VIPAS39: variants seen among roughly 807,000 people sequenced by gnomAD.
VIPAS39 encodes VPS33B interacting protein, apical-basolateral polarity regulator, spe-39 homolog, also known as spermatogenesis-defective protein 39 homolog.
VIPAS39 carries 63 observed loss-of-function variants against 84.7 expected under a neutral mutation model. The ratio of observed to expected loss-of-function variants is 0.74; its 90% CI spans 0.61 to 0.92. The LOEUF (loss-of-function observed/expected upper bound fraction) is 0.92. Ranked by LOEUF, VIPAS39 falls within the 40% of genes least tolerant of loss-of-function variation. The pLI is 0.00. For missense variants in VIPAS39, 499 were observed against 604.5 expected (o/e 0.83, Z 1.83); for synonymous variants, 192 against 216.5 (o/e 0.89, Z 0.99).
Position 77,435,849 on chromosome 14 carries a change from T to C in VIPAS39, c.907A>G (p.Ile303Val), listed in dbSNP as rs760795319. 34 of 1,614,052 alleles carry C rather than the reference T, an allele frequency of 2.1e-5. No individual in the cohort carries two copies. The Middle Eastern group carries it at 3.8e-3, about 180-fold the overall frequency. Residue 303 changes from isoleucine to valine, a missense_variant, in exon 13 of 20, where the codon ATT (isoleucine) becomes GTT (valine). Transcript: ENST00000557658. ...ATAGAGATGAAGAGTCTAACCTCAA[T>C]AATGATCTGACGTTCCAGGAGCGTG... ...HYTLLERQII[I>V]EANDRHLESA...
At chr14:77,447,959 G>T (rs1035946844) in intron 7 of VIPAS39, among the ~76,000 whole-genome samples, 1 of 147,584 alleles carries the variant, frequency 6.8e-6, no homozygotes, top group Non-Finnish European at 1.5e-5. Context: ...ACCATGCCCG[G>T]CTTCTCTTTT....
rs376046880 is a variant in VIPAS39 at position 77,429,054 on chromosome 14, C to T, written c.1308G>A (p.Thr436=). 9 of 1,614,058 alleles carry T rather than the reference C, an allele frequency of 5.6e-6. No homozygotes were observed. The East Asian group carries it at 6.7e-5, about 12-fold the overall frequency. ...EYVNLVEDVD[T]KLNLATKFKC... Reference sequence around the variant, plus strand: ...TGAACTTAGTGGCTAAGTTCAACTTCGTGTCCACATCTTCCACCAGATTGA... The same window carrying T: ...TGAACTTAGTGGCTAAGTTCAACTTTGTGTCCACATCTTCCACCAGATTGA... Residue 436 remains threonine (T), a synonymous_variant, in exon 18 of 20, where the codon ACG becomes ACA. Transcript: ENST00000557658.
At chr14:77,440,497 C>G (rs1048622016) in intron 11 of VIPAS39, 1 of 159,344 alleles carries the variant, frequency 6.3e-6, no homozygotes, top group Admixed American at 5.9e-5. Context: ...CAACCAGGAC[C>G]TGAAAACAAC....
At chr14:77,449,165 G>A (rs1644480713) in intron 6 of VIPAS39, 128 bp downstream of exon 6, 4 of 1,099,262 alleles carry the variant, frequency 3.6e-6, no homozygotes, top group South Asian at 2.6e-5. Context: ...TAGAAACCCA[G>A]TTTTCTAATC....
chr14:77,444,408 C>T, intron 7 of VIPAS39, 67 bp from the exon 8 acceptor site: 3 of 1,399,982 alleles, frequency 2.1e-6, no homozygotes, highest in Non-Finnish European at 2.0e-6. Context: ...TTGCTGGATA[C>T]TAAAGAATAA....
chr14:77,433,726 G>C, intron 16 of VIPAS39, 116 bp downstream of exon 16: 1 of 1,025,692 alleles, frequency 9.7e-7, no homozygotes, highest in South Asian at 1.5e-5. Context: ...CTTTAGGTTT[G>C]AAATTTTGGA....
At chr14:77,457,127 G>A (rs1466112024) in intron 1 of VIPAS39, 3 of 1,413,214 alleles carry the variant, frequency 2.1e-6, no homozygotes, top group South Asian at 3.1e-5. Flanking sequence ...ATTATCTTCC[G>A]AGCCAGGAAG....
chr14:77,456,730 C>T (rs966720719), intron 1 of VIPAS39, among the ~76,000 whole-genome samples: 2 of 152,184 alleles, frequency 1.3e-5, no homozygotes, highest in African/African-American at 4.8e-5. Flanking sequence ...CTAACAAACA[C>T]AATAATCTAC....
intron 14 of VIPAS39, among the ~76,000 whole-genome samples, chr14:77,434,562 T>C (rs2078574720): frequency 6.6e-6 from 1 of 152,122 alleles, no homozygotes; most frequent in Non-Finnish European, 1.5e-5. Context: ...GTCTGCCTGT[T>C]ATCATGGAAT....
At chr14:77,440,603 G>T (rs1398385416) in intron 11 of VIPAS39, 3 of 163,536 alleles carry the variant, frequency 1.8e-5, no homozygotes, top group African/African-American at 7.2e-5. Flanking sequence ...TAAAAAGAAA[G>T]AATACATCAT....
chr14:77,452,473 A>G (rs542825786), intron 3 of VIPAS39, among the ~76,000 whole-genome samples: 1 of 152,204 alleles, frequency 6.6e-6, no homozygotes, highest in East Asian at 1.9e-4. Context: ...CTTTCAATTA[A>G]AAATATTTCT....
Position 77,449,277 on chromosome 14 carries a change from G to A in VIPAS39, c.447+16C>T. The A allele has an allele frequency of 6.2e-7, 1 of 1,612,174 alleles. No homozygotes were observed. The highest frequency in any genetic ancestry group is 8.5e-7 in the Non-Finnish European group (1 of 1,178,190). ...ATACTGTGGAAAGTGTCACACCAGTGTATGCTGTAACTCACCCTATACTCC... is the reference window on the plus strand; with the variant it reads ...ATACTGTGGAAAGTGTCACACCAGTATATGCTGTAACTCACCCTATACTCC... On this transcript the variant is annotated intron_variant, in intron 6 of 19. Transcript: ENST00000557658.
At position 77,449,190 on chromosome 14, in the gene VIPAS39, A is replaced by G. The variant is rs1176743199; in HGVS notation, c.447+103T>C. The stretch of plus-strand genomic sequence containing the variant: ...GTTTTCTAATCTATAAAACAGGGTT[A>G]AAAAAATATCTACTCAAATAGTTGG... On this transcript the variant is annotated intron_variant, in intron 6 of 19. Transcript: ENST00000557658. 41 of 1,316,176 alleles carry G rather than the reference A, an allele frequency of 3.1e-5. 1 individual carries two copies. Among genetic ancestry groups the G allele is most frequent in the Non-Finnish European group, 4.3e-5 (39 of 912,008 alleles). 81.5% of individuals were successfully genotyped at this position (1,316,176 alleles called of 1,614,324 possible).
In VIPAS39 at chr14:77,435,246, A is replaced by G; in HGVS notation, c.1047+13T>C. 1 of 1,614,086 alleles carries G rather than the reference A, an allele frequency of 6.2e-7. No individual in the cohort carries two copies. Among genetic ancestry groups the G allele is most frequent in the Non-Finnish European group, 8.5e-7 (1 of 1,179,990 alleles). ...AATGAGAGTTTGTGGAATCTTCCAT[A>G]TTTTGCCTGTACCTCAGCCTCTGTG... is the stretch of plus-strand genomic sequence containing the variant. On this transcript the variant is annotated intron_variant, in intron 14 of 19. Transcript: ENST00000557658.
chr14:77,447,652 G>A (rs141917787), intron 7 of VIPAS39, among the ~76,000 whole-genome samples: 1 of 152,076 alleles, frequency 6.6e-6, no homozygotes, highest in African/African-American at 2.4e-5. Flanking sequence ...ATAAAAGATT[G>A]TTCTCACTCT....
At position 77,443,227 on chromosome 14, in the gene VIPAS39, C is replaced by T. The variant is rs374926614; in HGVS notation, c.598-75G>A. 4 of 1,557,480 alleles carry T rather than the reference C, an allele frequency of 2.6e-6. No individual in the cohort carries two copies. In the African/African-American group the frequency reaches 5.4e-5, roughly 21 times the overall value. On this transcript the variant is annotated intron_variant, in intron 8 of 19. Coordinates refer to ENST00000557658, the MANE Select transcript of VIPAS39 (RefSeq NM_001193315.2). ...TGCCCTGAGCACTACAGACACGGGGCCAGCAACTCATTAGCAATCTCTGAA... is the reference window on the plus strand; with the variant it reads ...TGCCCTGAGCACTACAGACACGGGGTCAGCAACTCATTAGCAATCTCTGAA...
chr14:77,434,831 G>A (rs1248893456), intron 14 of VIPAS39, among the ~76,000 whole-genome samples: 2 of 151,662 alleles, frequency 1.3e-5, no homozygotes, highest in African/African-American at 2.4e-5. Context: ...CCCAGGAGGC[G>A]GAGGTTACAG....
chr14:77,429,713 C>T lies in VIPAS39; in HGVS notation c.1234G>A (p.Glu412Lys). ...RAPIGFHRVV[E>K]ILHKNNAPVQ... ...GGGGCATTGTTCTTGTGCAAAATTT[C>T]GACAACCCGATGGAAGCCAATGGGT... is the stretch of plus-strand genomic sequence containing the variant. Residue 412 changes from glutamate to lysine, a missense_variant, in exon 17 of 20, where the codon GAA becomes AAA. Glu to Lys is a moderately conservative substitution (Grantham distance 56, BLOSUM62 1). Coordinates refer to ENST00000557658, the MANE Select transcript of VIPAS39 (RefSeq NM_001193315.2). 6.2e-6 allele frequency: 10 copies of T among 1,614,156 alleles called. No homozygotes were observed. The highest frequency in any genetic ancestry group is 8.5e-6 in the Non-Finnish European group (10 of 1,180,020).
chr14:77,436,037 A>G, intron 12 of VIPAS39, 118 bp from the exon 13 acceptor site: 2 of 975,406 alleles, frequency 2.1e-6, no homozygotes, highest in Non-Finnish European at 3.3e-6. Context: ...GTCTGATCTC[A>G]GTTCACCTTT....
Sources: gnomAD v4.1 joint callset for allele counts (sites outside exome capture counted in the v4.1 genomes callset) on GRCh38, gnomAD v4.1.1 for gene constraint, MANE v1.5 for transcripts, NCBI Gene and HGNC (gene_info 2026-07-23, HGNC 2026-07-21) for gene names.